The following MDGA2 variants were observed in gnomAD, a reference collection of about 807,000 sequenced individuals.
The protein encoded by MDGA2 is MAM domain containing glycosylphosphatidylinositol anchor 2.
Under a neutral mutation model 117.8 loss-of-function variants are expected in MDGA2, and 40 were observed. That is an observed-to-expected ratio of 0.34 (90% CI 0.26 to 0.44). The LOEUF is 0.44. Ranked by LOEUF, MDGA2 falls within the 20% of genes least tolerant of loss-of-function variation. The probability of loss-of-function intolerance (pLI) is 1.00; values close to 1 mark genes in which losing one functional copy is unlikely to be tolerated. For missense variants in MDGA2, 1,123 were observed against 1,250.6 expected, an observed-to-expected ratio of 0.90 and a Z score of 1.54; for synonymous variants, 452 against 439.0, an observed-to-expected ratio of 1.03 and a Z score of -0.37.
At chr14:47,437,110 C>T (rs1386095720) in intron 1 of MDGA2, among the ~76,000 whole-genome samples, 1 of 151,990 alleles carries the variant, frequency 6.6e-6, no homozygotes, top group East Asian at 1.9e-4. Context: ...GGGAGGGGGA[C>T]AATTCCTCTA....
At chr14:47,613,581 A>G (rs1166753056) in intron 1 of MDGA2, among the ~76,000 whole-genome samples, 1 of 152,128 alleles carries the variant, frequency 6.6e-6, no homozygotes, top group African/African-American at 2.4e-5. Flanking sequence ...ATTGTGAAAG[A>G]GAGATTCACT....
intron 1 of MDGA2, among the ~76,000 whole-genome samples, chr14:47,638,306 A>G (rs188087237): frequency 1.4e-4 from 21 of 152,282 alleles, no homozygotes; most frequent in Admixed American, 2.0e-4. Context: ...GGAAGATAAT[A>G]AATTAGAAAC....
At chr14:47,174,895 C>T (rs1039740063) in intron 3 of MDGA2, among the ~76,000 whole-genome samples, 17 of 152,044 alleles carry the variant, frequency 1.1e-4, no homozygotes, top group Non-Finnish European at 2.4e-4. Context: ...AATTCATAGA[C>T]TGCTTGCAAG....
intron 1 of MDGA2, among the ~76,000 whole-genome samples, chr14:47,336,124 AAGTGTAGG>A (rs1245399199): frequency 6.6e-6 from 1 of 151,836 alleles, no homozygotes; most frequent in Admixed American, 6.6e-5. Flanking sequence ...ATACAAGAAA[AAGTGTAGG>A]AGTGGAAGGT....
At chr14:47,230,480 G>T (rs1886651440) in intron 2 of MDGA2, among the ~76,000 whole-genome samples, 1 of 151,904 alleles carries the variant, frequency 6.6e-6, no homozygotes, top group Non-Finnish European at 1.5e-5. Context: ...ATGGCTTAAG[G>T]AATATTATAG....
At chr14:47,448,440 C>T (rs751763115) in intron 1 of MDGA2, among the ~76,000 whole-genome samples, 8 of 151,842 alleles carry the variant, frequency 5.3e-5, no homozygotes, top group Non-Finnish European at 1.0e-4. Flanking sequence ...GTGCCCAGCC[C>T]GAAGTCTACT....
chr14:47,495,317 T>G (rs545909101), intron 1 of MDGA2, among the ~76,000 whole-genome samples: 1 of 152,128 alleles, frequency 6.6e-6, no homozygotes, highest in African/African-American at 2.4e-5. Context: ...TACTACTTAT[T>G]TGGTACAATG....
chr14:47,083,689 A>C (rs1285655887), intron 6 of MDGA2, among the ~76,000 whole-genome samples: 1 of 152,078 alleles, frequency 6.6e-6, no homozygotes, highest in Non-Finnish European at 1.5e-5. Flanking sequence ...TCTATAAGAA[A>C]TTCATTTCAA....
At chr14:47,163,424 G>T (rs532712312) in intron 3 of MDGA2, among the ~76,000 whole-genome samples, 2 of 152,064 alleles carry the variant, frequency 1.3e-5, no homozygotes, top group African/African-American at 4.8e-5. Flanking sequence ...TTGTGGGGGT[G>T]GGGGGTCTTT....
intron 1 of MDGA2, among the ~76,000 whole-genome samples, chr14:47,361,872 C>G (rs1340459492): frequency 2.0e-5 from 3 of 152,118 alleles, no homozygotes; most frequent in African/African-American, 7.2e-5. Flanking sequence ...TTTCAAAAAG[C>G]TGGAATTACC....
At chr14:47,101,582 G>A (rs1452580294) in intron 5 of MDGA2, among the ~76,000 whole-genome samples, 2 of 152,152 alleles carry the variant, frequency 1.3e-5, no homozygotes, top group African/African-American at 2.4e-5. Context: ...CCATGTTCCA[G>A]GGAGACAGCT....
chr14:47,249,312 C>G (rs60800617), intron 2 of MDGA2, among the ~76,000 whole-genome samples: 2 of 151,886 alleles, frequency 1.3e-5, no homozygotes, highest in South Asian at 4.2e-4. Context: ...TCACCACGCC[C>G]GGCCTCTTTC....
intron 1 of MDGA2, among the ~76,000 whole-genome samples, chr14:47,323,130 C>T (rs1464978672): frequency 1.6e-5 from 2 of 121,592 alleles, no homozygotes; most frequent in African/African-American, 6.3e-5. Flanking sequence ...GAATAAGCCC[C>T]AGAGAAAAAA....
intron 6 of MDGA2, among the ~76,000 whole-genome samples, chr14:47,082,086 T>C (rs998786450): frequency 2.0e-5 from 3 of 152,094 alleles, no homozygotes; most frequent in Non-Finnish European, 4.4e-5. Context: ...AAATTTGAGT[T>C]TTCTGTGTTC....
At chr14:46,941,794 T>G (rs1428074895) in intron 9 of MDGA2, among the ~76,000 whole-genome samples, 2 of 152,204 alleles carry the variant, frequency 1.3e-5, no homozygotes, top group Non-Finnish European at 2.9e-5. Context: ...AGAAAGTTTC[T>G]TTTCTCTCAG....
At chr14:47,345,279 A>G (rs1566748283) in intron 1 of MDGA2, among the ~76,000 whole-genome samples, 1 of 152,110 alleles carries the variant, frequency 6.6e-6, no homozygotes, top group Non-Finnish European at 1.5e-5. Flanking sequence ...CCGGAAACAA[A>G]GATGGTCTTC....
intron 1 of MDGA2, among the ~76,000 whole-genome samples, chr14:47,346,004 T>G (rs930708474): frequency 2.0e-5 from 3 of 152,040 alleles, no homozygotes; most frequent in Admixed American, 6.6e-5. Context: ...ATAGGAGGAA[T>G]GCATTCTAGT....
At chr14:47,392,110 G>A (rs575733353) in intron 1 of MDGA2, among the ~76,000 whole-genome samples, 4 of 152,094 alleles carry the variant, frequency 2.6e-5, no homozygotes, top group South Asian at 4.2e-4. Flanking sequence ...CCTGAAGAGC[G>A]CATCAAATGG....
At chr14:47,500,202 T>G (rs1260130741) in intron 1 of MDGA2, among the ~76,000 whole-genome samples, 1 of 152,158 alleles carries the variant, frequency 6.6e-6, no homozygotes, top group Admixed American at 6.6e-5. Context: ...CTGAACTCCT[T>G]GGATATTTTA....
Sources: gnomAD v4.1 joint callset for allele counts (sites outside exome capture counted in the v4.1 genomes callset) on GRCh38, gnomAD v4.1.1 for gene constraint, MANE v1.5 for transcripts, NCBI Gene and HGNC (gene_info 2026-07-23, HGNC 2026-07-21) for gene names.